The following SOX6 variants were observed in gnomAD, a reference collection of about 807,000 sequenced individuals.
SOX6 encodes transcription factor SOX-6.
A neutral mutation model predicts 97.8 loss-of-function variants in SOX6; 11 were observed. The observed-to-expected ratio is 0.11, with a 90% CI of 0.07 to 0.19. The LOEUF is 0.19. Among genes scored for constraint, SOX6 ranks in the 10% least tolerant of loss-of-function variants. SOX6 has a pLI of 1.00. For synonymous variants in SOX6, 360 were observed against 371.4 expected (o/e 0.97, Z 0.35); for missense variants, 810 against 1,039.5 (o/e 0.78, Z 3.04).
intron 4 of SOX6, among the ~76,000 whole-genome samples, chr11:16,519,848 C>A (rs1465753393): frequency 6.6e-6 from 1 of 152,148 alleles, no homozygotes; most frequent in African/African-American, 2.4e-5. Context: ...TTATCCACGT[C>A]CTCACCAACA....
intron 3 of SOX6, among the ~76,000 whole-genome samples, chr11:16,694,414 T>A (rs1489461934): frequency 1.3e-5 from 2 of 152,068 alleles, no homozygotes; most frequent in African/African-American, 4.8e-5. Flanking sequence ...CCCCAGCTAT[T>A]CAGGAGGCTA....
At chr11:16,579,760 T>C (rs542963712) in intron 4 of SOX6, among the ~76,000 whole-genome samples, 1 of 152,200 alleles carries the variant, frequency 6.6e-6, no homozygotes, top group African/African-American at 2.4e-5. Context: ...GAACAAGCGG[T>C]GTATGTCTTT....
chr11:16,617,629 A>G lies in SOX6; in HGVS notation n.430-5369T>C, dbSNP rs546480543. Among the ~76,000 whole-genome samples the G allele has an allele frequency of 2.6e-4, 40 of 152,034 alleles. No individual in the cohort carries two copies. The Middle Eastern group carries it at 0.014, about 52-fold the overall frequency. ...TCTACATCACTTCAATACAAGTTTG[A>G]AAAGCAGAAACTGAAAAGCAGATAT... On this transcript the variant is annotated intron_variant and non_coding_transcript_variant, in intron 3 of 5. Coordinates refer to the SOX6 transcript ENST00000524520.
chr11:16,718,979 A>T (rs913969685), intron 2 of SOX6, among the ~76,000 whole-genome samples: 2 of 126,452 alleles, frequency 1.6e-5, no homozygotes, highest in Non-Finnish European at 3.2e-5. Context: ...TTTTAAAATT[A>T]AAAAAAAAAA....
intron 4 of SOX6, among the ~76,000 whole-genome samples, chr11:16,231,395 TCTCA>T (rs1186273092): frequency 1.3e-5 from 2 of 151,662 alleles, no homozygotes; most frequent in African/African-American, 2.4e-5. Context: ...AACACCTCAT[TCTCA>T]CTAATAGTCA....
At chr11:16,397,189 C>T (rs1456784696) in intron 1 of SOX6, among the ~76,000 whole-genome samples, 1 of 151,232 alleles carries the variant, frequency 6.6e-6, no homozygotes, top group Non-Finnish European at 1.5e-5. Context: ...TTCTCCATGC[C>T]CATTTCCTTG....
intron 4 of SOX6, among the ~76,000 whole-genome samples, chr11:16,587,072 A>G (rs991405021): frequency 6.6e-6 from 1 of 152,228 alleles, no homozygotes; most frequent in Non-Finnish European, 1.5e-5. Flanking sequence ...CTGAAATTCA[A>G]CACCACATAA....
At chr11:16,277,199 G>A (rs1268186408) in intron 3 of SOX6, among the ~76,000 whole-genome samples, 2 of 152,112 alleles carry the variant, frequency 1.3e-5, no homozygotes, top group Admixed American at 6.6e-5. Context: ...ATCTGGAGAC[G>A]TGGTCTTTGG....
At chr11:16,076,912 C>A (rs1848369005) in intron 9 of SOX6, among the ~76,000 whole-genome samples, 1 of 151,482 alleles carries the variant, frequency 6.6e-6, no homozygotes, top group Non-Finnish European at 1.5e-5. Flanking sequence ...CGCCACCGCG[C>A]CCGGCTAATT....
At chr11:16,733,510 T>C (rs1372406745) in intron 2 of SOX6, among the ~76,000 whole-genome samples, 1 of 130,748 alleles carries the variant, frequency 7.6e-6, no homozygotes, top group African/African-American at 3.0e-5. Context: ...TTCCCACTCA[T>C]AAGCGGCAGT....
rs560408140 is a variant in SOX6 at position 16,045,423 on chromosome 11, A to AT, written c.1623+1090_1623+1091insA. ...AACCAGTCTCCCTGTTTCCATTCTTAACCTCCAATATAGTCCAATCTTCCA... is the reference window on the plus strand; with the variant it reads ...AACCAGTCTCCCTGTTTCCATTCTTATACCTCCAATATAGTCCAATCTTCCA... On this transcript the variant is annotated intron_variant, in intron 12 of 15. Coordinates refer to ENST00000683767, the MANE Select transcript of SOX6 (RefSeq NM_001367873.1). Among the ~76,000 whole-genome samples, 257 of 152,208 alleles carry AT rather than the reference A, an allele frequency of 1.7e-3. 1 individual carries two copies. The highest frequency in any genetic ancestry group is 4.2e-3 in the African/African-American group (173 of 41,548).
intron 1 of SOX6, among the ~76,000 whole-genome samples, chr11:16,455,815 T>G (rs191012057): frequency 6.6e-6 from 1 of 152,268 alleles, no homozygotes; most frequent in Admixed American, 6.6e-5. Flanking sequence ...TGAATATACT[T>G]AACTATTATA....
intron 4 of SOX6, among the ~76,000 whole-genome samples, chr11:16,592,888 T>C (rs1448176023): frequency 6.6e-6 from 1 of 151,968 alleles, no homozygotes; most frequent in Non-Finnish European, 1.5e-5. Context: ...GCAAATAATA[T>C]ACCAAGGAAC....
At chr11:16,111,216 A>T (rs1485597932) in intron 7 of SOX6, among the ~76,000 whole-genome samples, 1 of 152,180 alleles carries the variant, frequency 6.6e-6, no homozygotes, top group Non-Finnish European at 1.5e-5. Context: ...AAAAAAGAAA[A>T]ATCACAACAT....
intron 1 of SOX6, among the ~76,000 whole-genome samples, chr11:16,466,459 A>G (rs1344518069): frequency 6.6e-6 from 1 of 152,196 alleles, no homozygotes; most frequent in Non-Finnish European, 1.5e-5. Flanking sequence ...TATAAAATAA[A>G]AGCAAAAATT....
chr11:16,485,366 G>A (rs1016389045), intron 4 of SOX6, among the ~76,000 whole-genome samples: 7 of 152,180 alleles, frequency 4.6e-5, no homozygotes, highest in South Asian at 4.2e-4. Context: ...TGGGAGGGTC[G>A]TTTAAGGTGA....
At chr11:16,207,150 G>T (rs1444159645) in intron 4 of SOX6, among the ~76,000 whole-genome samples, 1 of 152,004 alleles carries the variant, frequency 6.6e-6, no homozygotes, top group Non-Finnish European at 1.5e-5. Context: ...TATTCACACT[G>T]CCCAAAACAC....
At chr11:16,609,683 T>C (rs1325448966) in intron 4 of SOX6, among the ~76,000 whole-genome samples, 2 of 152,228 alleles carry the variant, frequency 1.3e-5, no homozygotes, top group Non-Finnish European at 2.9e-5. Context: ...TTTTAAAATA[T>C]ACTCCATGTT....
At chr11:16,258,030 T>C (rs1332207501) in intron 3 of SOX6, among the ~76,000 whole-genome samples, 1 of 151,958 alleles carries the variant, frequency 6.6e-6, no homozygotes, top group Non-Finnish European at 1.5e-5. Context: ...ACATGCCTAT[T>C]AGAAGGAACA....
Sources: gnomAD v4.1 joint callset for allele counts (sites outside exome capture counted in the v4.1 genomes callset) on GRCh38, gnomAD v4.1.1 for gene constraint, MANE v1.5 for transcripts, NCBI Gene and HGNC (gene_info 2026-07-23, HGNC 2026-07-21) for gene names.